The following ESR1 variants were observed in gnomAD, a reference collection of about 807,000 sequenced individuals.
ESR1 encodes the protein estrogen receptor 1, also known as estrogen receptor.
A neutral mutation model predicts 52.7 loss-of-function variants in ESR1; 12 were observed. The observed-to-expected ratio is 0.23, with a 90% CI of 0.15 to 0.37. The LOEUF is 0.37. ESR1 is among the 10% of genes least tolerant of loss of function. ESR1 has a pLI of 1.00. For synonymous variants in ESR1, 305 were observed against 316.8 expected (o/e 0.96, Z 0.39); for missense variants, 584 against 779.7 (o/e 0.75, Z 2.99).
chr6:151,866,651 A>G (rs1319115095), intron 2 of ESR1, among the ~76,000 whole-genome samples: 8 of 152,182 alleles, frequency 5.3e-5, no homozygotes, highest in Non-Finnish European at 1.0e-4. Flanking sequence ...TATAAAGGAC[A>G]TGATTGCATC....
intron 2 of ESR1, among the ~76,000 whole-genome samples, chr6:151,740,707 A>G (rs1285557713): frequency 6.6e-6 from 1 of 152,062 alleles, no homozygotes; most frequent in Non-Finnish European, 1.5e-5. Flanking sequence ...TGTCTGTCTC[A>G]TCTATCTGCC....
chr6:151,679,669 A>C (rs574531994), intron 1 of ESR1, among the ~76,000 whole-genome samples: 1 of 152,278 alleles, frequency 6.6e-6, no homozygotes, highest in East Asian at 1.9e-4. Context: ...CTGGCCCATG[A>C]GGCCCCACAC....
chr6:151,709,775 C>A (rs1780453960), intron 2 of ESR1, among the ~76,000 whole-genome samples: 1 of 150,916 alleles, frequency 6.6e-6, no homozygotes, highest in Non-Finnish European at 1.5e-5. Context: ...CTAAATCTTA[C>A]CCCGTCAATA....
intron 4 of ESR1, among the ~76,000 whole-genome samples, chr6:151,955,615 T>C (rs2036814631): frequency 6.6e-6 from 1 of 152,052 alleles, no homozygotes; most frequent in African/African-American, 2.4e-5. Flanking sequence ...TAAATAGAAA[T>C]AGGTGATACT....
intron 1 of ESR1, among the ~76,000 whole-genome samples, chr6:151,678,910 C>T (rs1778353124): frequency 6.6e-6 from 1 of 152,028 alleles, no homozygotes; most frequent in African/African-American, 2.4e-5. Flanking sequence ...TGGTCTTGAT[C>T]TCCTGACCTT....
At chr6:151,817,483 T>A (rs1779850453) in intron 1 of ESR1, among the ~76,000 whole-genome samples, 1 of 152,174 alleles carries the variant, frequency 6.6e-6, no homozygotes, top group Non-Finnish European at 1.5e-5. Flanking sequence ...GATTTCCAAG[T>A]CTTCATTTCC....
exon 7 of ESR1, chr6:152,128,371 A>T (rs1412072134): frequency 6.6e-6 from 1 of 152,218 alleles, no homozygotes; most frequent in African/African-American, 2.4e-5. Context: ...ATTCTGATAT[A>T]CTGCAAGTCT....
chr6:151,973,358 A>G lies in ESR1; in HGVS notation c.1096+28850A>G, dbSNP rs569048410. Among the ~76,000 whole-genome samples the G allele has an allele frequency of 2.0e-5, 3 of 152,112 alleles. No individual in the cohort carries two copies. The South Asian group carries it at 6.2e-4, about 32-fold the overall frequency. On this transcript the variant is annotated intron_variant, in intron 4 of 7. Coordinates refer to ENST00000206249, the MANE Select transcript of ESR1 (RefSeq NM_000125.4). ...TCTGCATTCAAGAGTGTGCTGCTTT[A>G]TTTGTTCCTGAATTGCACACAAGCT...
intron 4 of ESR1, among the ~76,000 whole-genome samples, chr6:152,008,958 G>C (rs1168348315): frequency 6.6e-6 from 1 of 152,062 alleles, no homozygotes; most frequent in Non-Finnish European, 1.5e-5. Flanking sequence ...AAACCAGTTT[G>C]GCTTATCCTA....
chr6:151,733,664 C>T (rs1002381740), intron 2 of ESR1, among the ~76,000 whole-genome samples: 1 of 152,160 alleles, frequency 6.6e-6, no homozygotes, highest in Non-Finnish European at 1.5e-5. Context: ...TGCGACCCTG[C>T]CATTTGGTTC....
chr6:151,686,549 G>T (rs750867941), upstream of ESR1, among the ~76,000 whole-genome samples: 2 of 152,150 alleles, frequency 1.3e-5, no homozygotes, highest in Non-Finnish European at 2.9e-5. Flanking sequence ...TTAGCCGGGC[G>T]TGGCGGCGGG....
intron 3 of ESR1, among the ~76,000 whole-genome samples, chr6:151,933,816 A>G (rs1369260357): frequency 6.6e-6 from 1 of 152,148 alleles, no homozygotes; most frequent in Non-Finnish European, 1.5e-5. Flanking sequence ...TATTGGCTTT[A>G]CTTTCAAAAT....
Position 152,039,562 on chromosome 6 carries a change from G to A in ESR1, c.1236-21429G>A, listed in dbSNP as rs117345960. Reference sequence around the variant, plus strand: ...ACTGAGACTTCTAGGCCAGCAGAACGTAATGCTGTGGAACAAGAAGCACAA... The same window carrying A: ...ACTGAGACTTCTAGGCCAGCAGAACATAATGCTGTGGAACAAGAAGCACAA... On this transcript the variant is annotated intron_variant, in intron 5 of 7. Coordinates refer to ENST00000206249, the MANE Select transcript of ESR1 (RefSeq NM_000125.4). 2.8e-4 allele frequency among the ~76,000 whole-genome samples: 43 copies of A among 152,224 alleles called. No homozygotes were observed. In the East Asian group the frequency reaches 5.4e-3, roughly 19 times the overall value.
At chr6:151,848,492 T>TAA (rs200102676) in intron 2 of ESR1, among the ~76,000 whole-genome samples, 9 of 128,820 alleles carry the variant, frequency 7.0e-5, no homozygotes, top group East Asian at 4.1e-4. Flanking sequence ...AAAAAAAAAT[T>TAA]TAAAAAAAAA....
At chr6:151,899,950 C>T (rs182162711) in intron 3 of ESR1, among the ~76,000 whole-genome samples, 60 of 145,488 alleles carry the variant, frequency 4.1e-4, no homozygotes, top group Middle Eastern at 3.9e-3. Context: ...ACATCCCAGA[C>T]GATGGCGGCC....
At chr6:151,890,071 A>C (rs1794473373) in intron 3 of ESR1, among the ~76,000 whole-genome samples, 1 of 151,650 alleles carries the variant, frequency 6.6e-6, no homozygotes, top group South Asian at 2.1e-4. Context: ...CTAACATATG[A>C]ACTATACTGT....
rs1049069898 is a variant in ESR1 at position 152,099,033 on chromosome 6, T to C, written c.*67T>C. 1.9e-5 allele frequency: 25 copies of C among 1,345,938 alleles called. No homozygotes were observed. The highest frequency in any genetic ancestry group is 2.2e-5 in the Non-Finnish European group (21 of 949,078). 83.4% of individuals were successfully genotyped at this position (1,345,938 alleles called of 1,614,324 possible). On this transcript the variant is annotated 3_prime_UTR_variant, in exon 8 of 8. Transcript: ENST00000206249. ...ATTTTACCCTCATCATGCACCACTTTAGCCAAATTCTGTCTCCTGCATACA... is the reference window on the plus strand; with the variant it reads ...ATTTTACCCTCATCATGCACCACTTCAGCCAAATTCTGTCTCCTGCATACA...
intron 2 of ESR1, among the ~76,000 whole-genome samples, chr6:151,720,151 A>G (rs541163828): frequency 1.3e-5 from 2 of 152,318 alleles, no homozygotes; most frequent in African/African-American, 2.4e-5. Context: ...CTAATATTCT[A>G]TATCTACCAT....
intron 4 of ESR1, among the ~76,000 whole-genome samples, chr6:151,980,114 A>T (rs997410725): frequency 5.3e-5 from 8 of 152,202 alleles, no homozygotes; most frequent in African/African-American, 1.9e-4. Flanking sequence ...AAAGATTCTT[A>T]GGGAAAAGTT....
Sources: allele counts gnomAD v4.1 joint callset (sites outside exome capture counted in the v4.1 genomes callset), GRCh38; gene constraint gnomAD v4.1.1; transcripts MANE v1.5; gene names NCBI Gene and HGNC (gene_info 2026-07-23, HGNC 2026-07-21).